Variants in TUBGCP3 observed in about 807,000 individuals in gnomAD.
The protein encoded by TUBGCP3 is tubulin gamma complex component 3, also known as gamma-tubulin complex component 3.
A neutral mutation model predicts 123.1 loss-of-function variants in TUBGCP3; 50 were observed. The ratio of observed to expected loss-of-function variants is 0.41; its 90% CI spans 0.32 to 0.51. TUBGCP3 has a LOEUF of 0.51. Ranked by LOEUF, TUBGCP3 falls within the 20% of genes least tolerant of loss-of-function variation. The pLI is 0.36. For missense variants in TUBGCP3, 882 were observed against 1,127.0 expected, an observed-to-expected ratio of 0.78 and a Z score of 3.11; for synonymous variants, 405 against 413.9, an observed-to-expected ratio of 0.98 and a Z score of 0.26.
At chr13:112,488,621 C>T (rs1368693147) in intron 21 of TUBGCP3, among the ~76,000 whole-genome samples, 1 of 150,894 alleles carries the variant, frequency 6.6e-6, no homozygotes, top group Non-Finnish European at 1.5e-5. Flanking sequence ...TCCCCACACC[C>T]ACCACAGGGG....
In TUBGCP3 at chr13:112,547,706, C is replaced by T. The variant is rs1044289; in HGVS notation, c.1082G>A (p.Ser361Asn). 3.8e-6 allele frequency: 6 copies of T among 1,561,986 alleles called. No homozygotes were observed. Among genetic ancestry groups the T allele is most frequent in the Non-Finnish European group, 5.2e-6 (6 of 1,152,754 alleles). Residue 361 changes from serine (S) to asparagine (N), a missense_variant, in exon 10 of 22, where the codon AGT becomes AAT. Ser to Asn is a conservative substitution (Grantham distance 46). This residue lies in a region of TUBGCP3 where 713 missense variants were observed against 874.0 expected (regional missense o/e 0.82). Coordinates refer to ENST00000261965, the MANE Select transcript of TUBGCP3 (RefSeq NM_006322.6). ...AACCAGGAGGCGCCGAAGTGTTAAA[C>T]TACTCTCAAGTCCCAAATTCACACC... ...DQGVNLGLESSLTLRRLLVWT... is the reference protein window; with the variant it reads ...DQGVNLGLESNLTLRRLLVWT...
chr13:112,502,266 C>T (rs1880958295), intron 19 of TUBGCP3, among the ~76,000 whole-genome samples: 1 of 152,222 alleles, frequency 6.6e-6, no homozygotes, highest in Admixed American at 6.5e-5. Context: ...ACTCCACCCT[C>T]GGTCTACCTG....
chr13:112,548,057 T>G, intron 9 of TUBGCP3, 51 bp downstream of exon 9: 1 of 1,385,950 alleles, frequency 7.2e-7, no homozygotes, highest in Non-Finnish European at 9.8e-7. Flanking sequence ...TAGCTTCAAT[T>G]TTGTAACACT....
At chr13:112,577,667 G>A (rs562754521) in intron 1 of TUBGCP3, among the ~76,000 whole-genome samples, 82 of 152,162 alleles carry the variant, frequency 5.4e-4, no homozygotes, top group African/African-American at 1.9e-3. Context: ...AGTGTACCAC[G>A]GTTATGTAAG....
intron 14 of TUBGCP3, 86 bp from the exon 15 acceptor site, chr13:112,520,107 G>T: frequency 7.5e-7 from 1 of 1,325,588 alleles, no homozygotes; most frequent in Non-Finnish European, 1.0e-6. Flanking sequence ...AAAAGTAAGA[G>T]TTCAAATTAT....
chr13:112,536,490 G>A (rs891932570), intron 11 of TUBGCP3, among the ~76,000 whole-genome samples: 1 of 152,102 alleles, frequency 6.6e-6, no homozygotes, highest in Non-Finnish European at 1.5e-5. Context: ...ATTCTTTTCA[G>A]AGTACAAGTC....
intron 11 of TUBGCP3, among the ~76,000 whole-genome samples, chr13:112,536,937 C>T (rs1417956889): frequency 6.6e-6 from 1 of 151,888 alleles, no homozygotes; most frequent in Non-Finnish European, 1.5e-5. Context: ...ACACCTGGCT[C>T]ATTTTTTCTT....
intron 1 of TUBGCP3, among the ~76,000 whole-genome samples, chr13:112,578,168 C>T (rs549523073): frequency 8.5e-5 from 13 of 152,144 alleles, no homozygotes; most frequent in Non-Finnish European, 5.9e-5. Flanking sequence ...CCCCTCGTGG[C>T]TTGGATGGAA....
At chr13:112,555,263 C>A (rs1477386899) in intron 6 of TUBGCP3, among the ~76,000 whole-genome samples, 1 of 152,158 alleles carries the variant, frequency 6.6e-6, no homozygotes, top group East Asian at 1.9e-4. Flanking sequence ...AGAGGCTGGA[C>A]GCGGGAGCCA....
chr13:112,567,276 C>T (rs1408111464), intron 2 of TUBGCP3, among the ~76,000 whole-genome samples: 1 of 152,238 alleles, frequency 6.6e-6, no homozygotes, highest in Non-Finnish European at 1.5e-5. Context: ...CCCAGATTCC[C>T]TCGAATATCC....
intron 20 of TUBGCP3, among the ~76,000 whole-genome samples, chr13:112,492,841 GT>G (rs1880203911): frequency 6.7e-6 from 1 of 149,088 alleles, no homozygotes. Flanking sequence ...ATGGCCTGGT[GT>G]GCCTGAAACA....
intron 20 of TUBGCP3, among the ~76,000 whole-genome samples, chr13:112,495,774 G>A (rs1292015068): frequency 6.6e-6 from 1 of 152,118 alleles, no homozygotes; most frequent in Non-Finnish European, 1.5e-5. Flanking sequence ...ATTCAATTCT[G>A]TTTTATAAGT....
intron 3 of TUBGCP3, among the ~76,000 whole-genome samples, chr13:112,560,132 C>CAAAA (rs778347153): frequency 2.3e-5 from 2 of 87,686 alleles, no homozygotes; most frequent in Non-Finnish European, 4.4e-5. Context: ...GACTCCGTCT[C>CAAAA]AAAAAAAAAA....
chr13:112,554,822 T>C (rs555683465), intron 7 of TUBGCP3, 65 bp downstream of exon 7: 1 of 1,170,572 alleles, frequency 8.5e-7, no homozygotes, highest in South Asian at 1.4e-5. Flanking sequence ...CAACAGCCAC[T>C]ATCTGGACTT....
At chr13:112,528,052 G>A (rs1402252695) in intron 11 of TUBGCP3, among the ~76,000 whole-genome samples, 1 of 152,238 alleles carries the variant, frequency 6.6e-6, no homozygotes, top group Non-Finnish European at 1.5e-5. Flanking sequence ...GCTCCCCCAG[G>A]AACCATCTGT....
intron 16 of TUBGCP3, 145 bp downstream of exon 16, chr13:112,518,830 C>T (rs1420672174): frequency 3.0e-6 from 2 of 660,630 alleles, no homozygotes; most frequent in Non-Finnish European, 5.4e-6. Flanking sequence ...ACAATTTTGG[C>T]TTAAGTATTC....
At chr13:112,559,282 G>A in intron 4 of TUBGCP3, 40 bp downstream of exon 4, 1 of 1,563,434 alleles carries the variant, frequency 6.4e-7, no homozygotes, top group Non-Finnish European at 8.7e-7. Context: ...CAGCCAGGGT[G>A]TCCCGACGGA....
At chr13:112,523,870 C>A (rs1395845517) in intron 13 of TUBGCP3, among the ~76,000 whole-genome samples, 2 of 152,216 alleles carry the variant, frequency 1.3e-5, no homozygotes, top group Non-Finnish European at 2.9e-5. Context: ...ATGAATTTGA[C>A]ATGTTCTCCT....
chr13:112,489,257 A>C lies in TUBGCP3; in HGVS notation c.2565+324T>G, dbSNP rs35480766. Among the ~76,000 whole-genome samples, 113 of 114,676 alleles carry C rather than the reference A, an allele frequency of 9.9e-4. 1 individual carries two copies. The highest frequency in any genetic ancestry group is 3.4e-3 in the African/African-American group (100 of 29,264). 75.2% of individuals were successfully genotyped at this position (114,676 alleles called of 152,430 possible). The stretch of plus-strand genomic sequence containing the variant: ...GCCACGCCCAGGTCCCCACACCCCA[A>C]CACAGGGGAGCACAGGGGCCACGCC... On this transcript the variant is annotated intron_variant, in intron 21 of 21. Transcript: ENST00000261965.
Sources: gnomAD v4.1 joint callset for allele counts (sites outside exome capture counted in the v4.1 genomes callset) on GRCh38, gnomAD v4.1.1 for gene constraint, gnomAD v4.1.1 regional missense constraint, MANE v1.5 for transcripts, NCBI Gene and HGNC (gene_info 2026-07-23, HGNC 2026-07-21) for gene names.